Variants in HELQ observed in about 807,000 individuals in gnomAD.
HELQ encodes the protein helicase POLQ-like.
Under a neutral mutation model 111.6 loss-of-function variants are expected in HELQ, and 77 were observed. The ratio of observed to expected loss-of-function variants is 0.69; its 90% CI spans 0.57 to 0.83. The LOEUF (loss-of-function observed/expected upper bound fraction) is 0.83, where lower values mean the gene tolerates loss of function less well. Among genes scored for constraint, HELQ ranks in the 40% least tolerant of loss-of-function variants. The probability of loss-of-function intolerance (pLI) is 0.00; values close to 1 mark genes in which losing one functional copy is unlikely to be tolerated. For missense variants in HELQ, 1,200 were observed against 1,288.5 expected (o/e 0.93, Z 1.05); for synonymous variants, 438 against 454.7 (o/e 0.96, Z 0.47).
At position 83,410,890 on chromosome 4, in the gene HELQ, C is replaced by T. The variant is rs373137202; in HGVS notation, c.3199-3330G>A. Among the ~76,000 whole-genome samples the T allele has an allele frequency of 9.9e-5, 15 of 151,978 alleles. 1 individual carries two copies. Among genetic ancestry groups the T allele is most frequent in the Admixed American group, 7.9e-4 (12 of 15,256 alleles). On this transcript the variant is annotated intron_variant, in intron 17 of 17. Coordinates refer to ENST00000295488, the MANE Select transcript of HELQ (RefSeq NM_133636.5). ...GCTAGGATAGGCAAGGTGGCTCACA[C>T]TTGTAACCCCAGCACTTTGGGAGGC... is the stretch of plus-strand genomic sequence containing the variant.
Position 83,418,162 on chromosome 4 carries a change from A to G in HELQ, c.2994T>C (p.Leu998=). 2 of 1,609,384 alleles carry G rather than the reference A, an allele frequency of 1.2e-6. No homozygotes were observed. Among genetic ancestry groups the G allele is most frequent in the Non-Finnish European group, 1.7e-6 (2 of 1,177,490 alleles). Residue 998 remains leucine (L), a synonymous_variant, in exon 16 of 18, where the codon CTT becomes CTC. Transcript: ENST00000295488. The part of the protein sequence containing the change: ...FWVYRALLVE[L]TKKLTYCVKA... Reference sequence around the variant, plus strand: ...TTACACAGTAAGTCAGCTTCTTGGTAAGTTCTACCAAAAGGGCTCTGTAAA... The same window carrying G: ...TTACACAGTAAGTCAGCTTCTTGGTGAGTTCTACCAAAAGGGCTCTGTAAA...
intron 9 of HELQ, among the ~76,000 whole-genome samples, chr4:83,436,236 G>A (rs1409363136): frequency 1.3e-5 from 2 of 152,206 alleles, no homozygotes; most frequent in South Asian, 2.1e-4. Flanking sequence ...AGAAAATAGA[G>A]AAGCCGATAA....
At chr4:83,438,890 G>A (rs1720609193) in intron 8 of HELQ, among the ~76,000 whole-genome samples, 1 of 151,998 alleles carries the variant, frequency 6.6e-6, no homozygotes, top group African/African-American at 2.4e-5. Flanking sequence ...TGCCTGGGGA[G>A]CTTTACAAAA....
intron 14 of HELQ, among the ~76,000 whole-genome samples, chr4:83,422,152 A>G (rs944125539): frequency 2.0e-5 from 3 of 152,138 alleles, no homozygotes; most frequent in Non-Finnish European, 2.9e-5. Flanking sequence ...CCCAGGAGAC[A>G]GAGGTTGCAG....
At chr4:83,425,838 G>A (rs1314474517) in intron 14 of HELQ, among the ~76,000 whole-genome samples, 156 bp downstream of exon 14, 1 of 152,134 alleles carries the variant, frequency 6.6e-6, no homozygotes, top group Non-Finnish European at 1.5e-5. Flanking sequence ...GCTCAGGTAT[G>A]TTTTAAGTAG....
chr4:83,429,027 C>T (rs2109984378), intron 12 of HELQ, among the ~76,000 whole-genome samples: 1 of 151,422 alleles, frequency 6.6e-6, no homozygotes, highest in South Asian at 2.1e-4. Context: ...TATACTTCTG[C>T]AGTACTTATA....
chr4:83,433,754 C>T (rs1720291146), intron 9 of HELQ, among the ~76,000 whole-genome samples: 1 of 147,296 alleles, frequency 6.8e-6, no homozygotes, highest in Admixed American at 6.8e-5. Context: ...AAGGCGAAGG[C>T]AGGAGGATCA....
At position 83,441,332 on chromosome 4, in the gene HELQ, C is replaced by T. The variant is rs756241580; in HGVS notation, c.1635G>A (p.Met545Ile). Residue 545 changes from methionine to isoleucine, a missense_variant, in exon 7 of 18, where the codon ATG (methionine) becomes ATA (isoleucine). Met to Ile is a conservative substitution (Grantham distance 10, BLOSUM62 1). Coordinates refer to ENST00000295488, the MANE Select transcript of HELQ (RefSeq NM_133636.5). Reference sequence around the variant, plus strand: ...TATAATTAAGAAGACGTGAAAAAGTCATGCCATTCTCAGCTTTGCTGTCAA... The same window carrying T: ...TATAATTAAGAAGACGTGAAAAAGTTATGCCATTCTCAGCTTTGCTGTCAA... The part of the protein sequence containing the change: ...YEVDSKAENG[M>I]TFSRLLNYKY... The T allele has an allele frequency of 6.3e-7, 1 of 1,591,834 alleles. No individual in the cohort carries two copies. The highest frequency in any genetic ancestry group is 2.2e-5 in the East Asian group (1 of 44,562).
At chr4:83,453,980 C>T (rs1266939213) in intron 1 of HELQ, 35 bp from the exon 2 acceptor site, 1 of 1,255,330 alleles carries the variant, frequency 8.0e-7, no homozygotes, top group East Asian at 2.3e-5. Flanking sequence ...TGGTCAATTC[C>T]AGTTTCATTA....
At position 83,455,669 on chromosome 4, in the gene HELQ, G is replaced by A. The variant is rs145821037; in HGVS notation, c.25C>T (p.Arg9Cys). The change falls in exon 1 of 18, where the codon CGC (arginine) becomes TGC (cysteine). Residue 9 changes from arginine to cysteine, a missense_variant. By Grantham distance (180) the Arg-to-Cys change is radical. This residue lies in a region of HELQ where 610 missense variants were observed against 607.1 expected (regional missense o/e 1.00). Transcript: ENST00000295488. The part of the protein sequence containing the change: MDECGSRI[R>C]RRVSLPKRNR... ...CTTTTGGGGAGAGACACCCGCCGGC[G>A]GATGCGGGAACCACATTCATCCATG... is the stretch of plus-strand genomic sequence containing the variant. 5 of 1,610,238 alleles carry A rather than the reference G, an allele frequency of 3.1e-6. No homozygotes were observed. Among genetic ancestry groups the A allele is most frequent in the Non-Finnish European group, 3.4e-6 (4 of 1,179,924 alleles).
rs1438435201 is a variant in HELQ at position 83,432,131 on chromosome 4, G to T, written c.2185C>A (p.Gln729Lys). The T allele has an allele frequency of 1.9e-6, 3 of 1,578,600 alleles. No homozygotes were observed. Among genetic ancestry groups the T allele is most frequent in the Non-Finnish European group, 2.6e-6 (3 of 1,164,830 alleles). ...SILILQEKDK[Q>K]QVLELITKPL... ...CCAACCAAATTGAGTATTACCTGTT[G>T]TTTGTCTTTTTCTTGCAATATGAGG... The change falls in exon 10 of 18, where the codon CAA (glutamine) becomes AAA (lysine). Residue 729 changes from glutamine (Q) to lysine (K), a missense_variant. Physicochemically the swap from Gln to Lys is moderately conservative, Grantham distance 53. Transcript: ENST00000295488.
intron 5 of HELQ, among the ~76,000 whole-genome samples, chr4:83,444,718 T>A (rs981374226): frequency 6.6e-6 from 1 of 152,118 alleles, no homozygotes; most frequent in African/African-American, 2.4e-5. Context: ...GAAAGAGGAA[T>A]AAGTGGGAGT....
rs569785972 is a variant in HELQ at position 83,453,822 on chromosome 4, T to C, written c.421A>G (p.Thr141Ala). 78 of 1,614,122 alleles carry C rather than the reference T, an allele frequency of 4.8e-5. No homozygotes were observed. The South Asian group carries it at 7.7e-4, about 16-fold the overall frequency. ...CAAAGATTTTCAGTGGCAAAGTCTGTAGCATGTTTCTTATGTTCAGGGAGT... is the reference window on the plus strand; with the variant it reads ...CAAAGATTTTCAGTGGCAAAGTCTGCAGCATGTTTCTTATGTTCAGGGAGT... ...MQLPEHKKHA[T>A]DFATENLCSE... Residue 141 changes from threonine (T) to alanine (A), a missense_variant, in exon 2 of 18, where the codon ACA becomes GCA. Coordinates refer to ENST00000295488, the MANE Select transcript of HELQ (RefSeq NM_133636.5).
intron 12 of HELQ, among the ~76,000 whole-genome samples, chr4:83,428,815 A>T (rs1417948572): frequency 6.6e-6 from 1 of 151,658 alleles, no homozygotes; most frequent in African/African-American, 2.4e-5. Flanking sequence ...TAATTTATAA[A>T]AAGTTTCAGA....
Position 83,418,153 on chromosome 4 carries a change from C to G in HELQ, c.3003G>C (p.Lys1001Asn). Reference protein sequence around the residue: ...YRALLVELTKKLTYCVKAELI... With the variant: ...YRALLVELTKNLTYCVKAELI... ...ATTCTGCCTTTACACAGTAAGTCAG[C>G]TTCTTGGTAAGTTCTACCAAAAGGG... is the stretch of plus-strand genomic sequence containing the variant. Residue 1001 changes from lysine (K) to asparagine (N), a missense_variant, in exon 16 of 18, where the codon AAG (lysine) becomes AAC (asparagine). Physicochemically the swap from Lys to Asn is moderately conservative, Grantham distance 94. Transcript: ENST00000295488. The G allele has an allele frequency of 4.3e-6, 7 of 1,610,290 alleles. No homozygotes were observed. Among genetic ancestry groups the G allele is most frequent in the Non-Finnish European group, 5.9e-6 (7 of 1,178,016 alleles).
Position 83,429,696 on chromosome 4 carries a change from A to G in HELQ, c.2346T>C (p.Phe782=), listed in dbSNP as rs1183360357. The G allele has an allele frequency of 1.2e-6, 2 of 1,612,584 alleles. No individual in the cohort carries two copies. The highest frequency in any genetic ancestry group is 3.3e-5 in the Admixed American group (2 of 59,970). Residue 782 remains phenylalanine, a synonymous_variant, in exon 12 of 18, where the codon TTT becomes TTC. Transcript: ENST00000295488. ...DIYHFMNGTF[F]GVQQKVLLKE... is the part of the protein sequence containing the mutation. The stretch of plus-strand genomic sequence containing the variant: ...TCAATAAAACCTTTTGCTGAACACC[A>G]AAAAATGTACCATTCATGAAATGAT...
chr4:83,441,350 G>T lies in HELQ; in HGVS notation c.1617C>A (p.Ser539Arg), dbSNP rs202209728. ...KINDTIYEVD[S>R]KAENGMTFSR... ...AAAAAGTCATGCCATTCTCAGCTTT[G>T]CTGTCAACTTCATATATTGTATCAT... The change falls in exon 7 of 18, where the codon AGC (serine) becomes AGA (arginine). Residue 539 changes from serine (S) to arginine (R), a missense_variant. Around this residue, in one of 3 missense-constraint regions of HELQ, gnomAD observed 585 missense variants for 665.3 expected, o/e 0.88. Coordinates refer to ENST00000295488, the MANE Select transcript of HELQ (RefSeq NM_133636.5). 265 of 1,594,930 alleles carry T rather than the reference G, an allele frequency of 1.7e-4. No individual in the cohort carries two copies. The highest frequency in any genetic ancestry group is 2.2e-4 in the Non-Finnish European group (256 of 1,165,662).
intron 17 of HELQ, among the ~76,000 whole-genome samples, chr4:83,416,421 A>G (rs1461250742): frequency 6.6e-6 from 1 of 151,440 alleles, no homozygotes; most frequent in African/African-American, 2.4e-5. Context: ...GAGTCTCATT[A>G]TGTTGCCCAG....
rs1720622018 is a variant in HELQ, at chr4:83,439,074, CCTTTT to C, written c.1808+784_1808+788del. ...TCTTAGGGTTTTGTCTTTTTTTTTT[CCTTTT>C]CTTTTTGAGACTGAGTCTCCCTCTG... On this transcript the variant is annotated intron_variant, in intron 8 of 17. Coordinates refer to ENST00000295488, the MANE Select transcript of HELQ (RefSeq NM_133636.5). Among the ~76,000 whole-genome samples, 3 of 149,560 alleles carry C rather than the reference CCTTTT, an allele frequency of 2.0e-5. 1 individual carries two copies. The highest frequency in any genetic ancestry group is 2.0e-4 in the Admixed American group (3 of 15,056).
Sources: gnomAD v4.1 joint callset for allele counts (sites outside exome capture counted in the v4.1 genomes callset) on GRCh38, gnomAD v4.1.1 for gene constraint, gnomAD v4.1.1 regional missense constraint, MANE v1.5 for transcripts, NCBI Gene and HGNC (gene_info 2026-07-23, HGNC 2026-07-21) for gene names.